Variants in SGPP2 observed in about 807,000 individuals in gnomAD.
SGPP2 encodes sphingosine 1-phosphate phosphohydrolase 2.
In SGPP2, 30 loss-of-function variants were observed where a neutral mutation model predicts 33.9. The ratio of observed to expected loss-of-function variants is 0.89; its 90% CI spans 0.66 to 1.20. The LOEUF (loss-of-function observed/expected upper bound fraction) is 1.20. Ranked by LOEUF, SGPP2 falls within the 50% of genes most tolerant of loss-of-function variation. The probability of loss-of-function intolerance (pLI) is 0.00; values close to 1 mark genes in which losing one functional copy is unlikely to be tolerated. For synonymous variants in SGPP2, 233 were observed against 225.0 expected, an observed-to-expected ratio of 1.04 and a Z score of -0.32; for missense variants, 458 against 532.1, an observed-to-expected ratio of 0.86 and a Z score of 1.37.
intron 1 of SGPP2, among the ~76,000 whole-genome samples, chr2:222,437,288 C>A: frequency 6.6e-6 from 1 of 152,240 alleles, no homozygotes; most frequent in East Asian, 1.9e-4. Context: ...AATTGCACAT[C>A]TGGCCACTTC....
At chr2:222,459,225 C>T (rs900706206) in intron 1 of SGPP2, among the ~76,000 whole-genome samples, 4 of 145,270 alleles carry the variant, frequency 2.8e-5, no homozygotes, top group Admixed American at 2.2e-4. Flanking sequence ...TGGCTCACTG[C>T]AGCCTACGCA....
intron 1 of SGPP2, among the ~76,000 whole-genome samples, chr2:222,466,253 C>CTTTTTT (rs34005867): frequency 6.7e-5 from 7 of 104,702 alleles, no homozygotes; most frequent in African/African-American, 1.1e-4. Context: ...CTGTTTTCAA[C>CTTTTTT]TTTTTTTTTT....
At chr2:222,503,942 C>T (rs973536876) in intron 2 of SGPP2, 6 of 152,106 alleles carry the variant, frequency 3.9e-5, no homozygotes, top group Non-Finnish European at 8.8e-5. Flanking sequence ...GATTTATGGT[C>T]ATACCAAAAA....
At position 222,521,755 on chromosome 2, in the gene SGPP2, T is replaced by TTGGTTTTGCAGTTGGTGATG. The variant is rs752770210; in HGVS notation, c.379-10_388dup. On this transcript the variant is annotated splice_polypyrimidine_tract_variant and intron_variant, in intron 2 of 4. Coordinates refer to ENST00000321276, the MANE Select transcript of SGPP2 (RefSeq NM_152386.4). ...ATTTGATTAGACTTACCTCAGTCCT[T>TTGGTTTTGCAGTTGGTGATG]TGGTTTTGCAGTTGGTGATGTATAT... 1.3e-6 allele frequency: 2 copies of TTGGTTTTGCAGTTGGTGATG among 1,595,252 alleles called. No homozygotes were observed. Among genetic ancestry groups the TTGGTTTTGCAGTTGGTGATG allele is most frequent in the South Asian group, 2.3e-5 (2 of 87,188 alleles).
intron 2 of SGPP2, among the ~76,000 whole-genome samples, chr2:222,521,302 C>A (rs1574875337): frequency 6.6e-6 from 1 of 152,190 alleles, no homozygotes; most frequent in Non-Finnish European, 1.5e-5. Context: ...GAGGTAGCAT[C>A]GTGTGGTAGT....
At chr2:222,435,400 A>G (rs1248485743) in intron 1 of SGPP2, among the ~76,000 whole-genome samples, 1 of 152,152 alleles carries the variant, frequency 6.6e-6, no homozygotes, top group Non-Finnish European at 1.5e-5. Context: ...TCCTTTGGCA[A>G]CACCCTCACA....
At position 222,476,127 on chromosome 2, in the gene SGPP2, T is replaced by C. The variant is rs1158849253; in HGVS notation, c.378+1401T>C. On this transcript the variant is annotated intron_variant, in intron 2 of 4. Transcript: ENST00000321276. This position sits in a 1 kb window ranked among gnomAD's most constrained non-coding sequence, Gnocchi z 4.3. ...CTGACTCAAGATTCTGCACTAGAAATAGAGGTTCAGAAGCACTTGGTTGGG... is the reference window on the plus strand; with the variant it reads ...CTGACTCAAGATTCTGCACTAGAAACAGAGGTTCAGAAGCACTTGGTTGGG... Among the ~76,000 whole-genome samples the C allele has an allele frequency of 1.3e-5, 2 of 152,124 alleles. No individual in the cohort carries two copies. The highest frequency in any genetic ancestry group is 2.9e-5 in the Non-Finnish European group (2 of 68,022).
intron 2 of SGPP2, among the ~76,000 whole-genome samples, chr2:222,475,285 T>A (rs766474647): frequency 9.2e-5 from 14 of 152,156 alleles, no homozygotes; most frequent in Non-Finnish European, 2.1e-4. Context: ...ACCAGGCTTA[T>A]CTCTTACTGC....
chr2:222,511,581 T>C (rs536071490), intron 2 of SGPP2, among the ~76,000 whole-genome samples: 1 of 152,306 alleles, frequency 6.6e-6, no homozygotes, highest in South Asian at 2.1e-4. Context: ...AGTGGCCTCT[T>C]CAACAATACA....
At chr2:222,467,950 GAAAAAAAAAAAAAA>G (rs61253653) in intron 1 of SGPP2, among the ~76,000 whole-genome samples, 1,382 of 24,632 alleles carry the variant, frequency 0.056, 13 homozygotes, top group African/African-American at 0.077. Context: ...GCTCTAATCT[GAAAAAAAAAAAAAA>G]AAAAAAAAAA....
intron 1 of SGPP2, among the ~76,000 whole-genome samples, chr2:222,430,556 C>T (rs1697138361): frequency 6.6e-6 from 1 of 152,256 alleles, no homozygotes; most frequent in Admixed American, 6.5e-5. Flanking sequence ...TGGGCTCAAG[C>T]GATCCTCCTG....
intron 2 of SGPP2, among the ~76,000 whole-genome samples, chr2:222,503,397 G>C (rs1480416288): frequency 6.6e-6 from 1 of 152,180 alleles, no homozygotes; most frequent in Non-Finnish European, 1.5e-5. Context: ...AGTGTTAAGA[G>C]CGTAGATTTA....
intron 2 of SGPP2, among the ~76,000 whole-genome samples, chr2:222,520,477 TC>T (rs1403894159): frequency 3.3e-5 from 5 of 152,138 alleles, no homozygotes; most frequent in African/African-American, 1.2e-4. Context: ...ACGTCTGTAA[TC>T]CCAGCACTTT....
rs200271785 is a variant in SGPP2, at chr2:222,561,102, CA to C, written c.*2219del. Among the ~76,000 whole-genome samples, 1,289 of 121,902 alleles carry C rather than the reference CA, an allele frequency of 0.011. 10 individuals are homozygous for C. The highest frequency in any genetic ancestry group is 0.024 in the African/African-American group (777 of 32,366). The allele number at this position is 121,902 out of a possible 152,430, so 80.0% of individuals were successfully genotyped here. On this transcript the variant is annotated 3_prime_UTR_variant, in exon 5 of 5. Coordinates refer to ENST00000321276, the MANE Select transcript of SGPP2 (RefSeq NM_152386.4). ...CCTGGGCGACAGAGCGAGACTCTCT[CA>C]AAAAAAAAAAAAAAGAATTTTTAGC...
Position 222,457,209 on chromosome 2 carries a change from G to A in SGPP2, c.220-17359G>A, listed in dbSNP as rs114714042. On this transcript the variant is annotated intron_variant, in intron 1 of 4. Coordinates refer to ENST00000321276, the MANE Select transcript of SGPP2 (RefSeq NM_152386.4). The stretch of plus-strand genomic sequence containing the variant: ...TTCCTGTTTTTTTTTTAACTACCAT[G>A]TTTTGCAAATATGAGGCATACATGA... Among the ~76,000 whole-genome samples the A allele has an allele frequency of 7.5e-3, 1,137 of 151,418 alleles. 11 individuals carry two copies. The highest frequency in any genetic ancestry group is 0.026 in the African/African-American group (1,084 of 41,300).
At chr2:222,446,185 T>A (rs1697396025) in intron 1 of SGPP2, among the ~76,000 whole-genome samples, 1 of 151,978 alleles carries the variant, frequency 6.6e-6, no homozygotes, top group African/African-American at 2.4e-5. Flanking sequence ...ATGAGGGAGC[T>A]GAGTACGGTA....
chr2:222,453,992 T>C (rs952114048), intron 1 of SGPP2, among the ~76,000 whole-genome samples: 1 of 152,256 alleles, frequency 6.6e-6, no homozygotes, highest in Non-Finnish European at 1.5e-5. Context: ...ACAATAGTAC[T>C]GACCTGCCTC....
intron 4 of SGPP2, 79 bp downstream of exon 4, chr2:222,525,112 C>A: frequency 1.0e-6 from 1 of 963,226 alleles, no homozygotes; most frequent in South Asian, 1.7e-5. Flanking sequence ...TCTCATACTA[C>A]TTATTTATAA....
At chr2:222,498,514 T>G (rs746254135) in intron 2 of SGPP2, 3 of 152,104 alleles carry the variant, frequency 2.0e-5, no homozygotes, top group Non-Finnish European at 2.9e-5. Flanking sequence ...CATTCATTCA[T>G]TCATTCATTC....
Sources: gnomAD v4.1 joint callset for allele counts (sites outside exome capture counted in the v4.1 genomes callset) on GRCh38, gnomAD v4.1.1 for gene constraint, Gnocchi (gnomAD v3.1) non-coding constraint, MANE v1.5 for transcripts, NCBI Gene and HGNC (gene_info 2026-07-23, HGNC 2026-07-21) for gene names.